The following PCDHA5 variants were observed in gnomAD, a reference collection of about 807,000 sequenced individuals.
The protein encoded by PCDHA5 is protocadherin alpha-5.
In PCDHA5, 43 loss-of-function variants were observed where a neutral mutation model predicts 61.6. The ratio of observed to expected loss-of-function variants is 0.70; its 90% CI spans 0.55 to 0.90. The LOEUF is 0.90. PCDHA5 is among the 40% of genes least tolerant of loss of function. The pLI, the probability that PCDHA5 is intolerant of heterozygous loss-of-function variation, is 0.00. For missense variants in PCDHA5, 1,298 were observed against 1,222.7 expected (o/e 1.06, Z -0.92); for synonymous variants, 627 against 543.9 (o/e 1.15, Z -2.13).
chr5:140,843,369 C>T lies in PCDHA5; in HGVS notation c.2352+19242C>T, dbSNP rs2150358449. 7 of 1,595,922 alleles carry T rather than the reference C, an allele frequency of 4.4e-6. No individual in the cohort carries two copies. Among genetic ancestry groups the T allele is most frequent in the African/African-American group, 1.3e-5 (1 of 74,440 alleles). ...GCTCCAAAAGCGTCATCGAGGCAGT[C>T]GGCTGGCGTTTTGGGTCCGGAAGCG... On this transcript the variant is annotated intron_variant, in intron 1 of 3. Transcript: ENST00000529859.
chr5:140,876,623 A>G (rs2056465121), intron 1 of PCDHA5: 1 of 1,614,086 alleles, frequency 6.2e-7, no homozygotes, highest in East Asian at 2.2e-5. Context: ...GCCAATGGAC[A>G]GGTCATCTGC....
At chr5:140,891,849 C>G (rs1446447359) in intron 1 of PCDHA5, among the ~76,000 whole-genome samples, 2 of 152,262 alleles carry the variant, frequency 1.3e-5, no homozygotes, top group African/African-American at 4.8e-5. Context: ...TGGAAGGAGC[C>G]TGTCCCTCTC....
intron 1 of PCDHA5, among the ~76,000 whole-genome samples, chr5:140,885,118 C>CT (rs782576516): frequency 6.6e-6 from 1 of 152,022 alleles, no homozygotes; most frequent in Non-Finnish European, 1.5e-5. Context: ...TTTAAGTGCA[C>CT]TTTTCTTTCT....
At chr5:140,872,266 T>C (rs1267974541) in intron 1 of PCDHA5, among the ~76,000 whole-genome samples, 2 of 152,208 alleles carry the variant, frequency 1.3e-5, no homozygotes, top group Non-Finnish European at 2.9e-5. Context: ...GTTTTCATAT[T>C]GTTTGAAGAA....
chr5:140,989,681 A>C (rs1428237884), intron 3 of PCDHA5, among the ~76,000 whole-genome samples: 1 of 152,250 alleles, frequency 6.6e-6, no homozygotes, highest in Non-Finnish European at 1.5e-5. Flanking sequence ...CAGATTTCAA[A>C]GGAACGTGAA....
chr5:140,859,119 T>C (rs1275680120), intron 1 of PCDHA5: 2 of 150,176 alleles, frequency 1.3e-5, no homozygotes, highest in African/African-American at 4.9e-5. Context: ...AAAATGTATG[T>C]TTCTTTTATT....
Position 140,857,279 on chromosome 5 carries a change from G to T in PCDHA5, c.2352+33152G>T, listed in dbSNP as rs782434219. ...TTACTACTCATTGGTGCTGGACAGC[G>T]CTCTGGACCGCGAGAGGGTGTCGGC... On this transcript the variant is annotated intron_variant, in intron 1 of 3. Transcript: ENST00000529859. 22 of 1,598,726 alleles carry T rather than the reference G, an allele frequency of 1.4e-5. No homozygotes were observed. The East Asian group carries it at 4.7e-4, about 34-fold the overall frequency.
At chr5:140,830,533 A>G in intron 1 of PCDHA5, 1 of 1,268,354 alleles carries the variant, frequency 7.9e-7, no homozygotes, top group South Asian at 2.0e-5. Flanking sequence ...TTAAATTTAT[A>G]ATTGTTTTCC....
intron 1 of PCDHA5, among the ~76,000 whole-genome samples, chr5:140,827,290 C>T (rs190258137): frequency 6.6e-6 from 1 of 152,284 alleles, no homozygotes; most frequent in African/African-American, 2.4e-5. Flanking sequence ...GAATCAAAAA[C>T]AGCAAAGCAC....
intron 1 of PCDHA5, chr5:140,843,060 T>C: frequency 1.3e-6 from 2 of 1,595,188 alleles, no homozygotes; most frequent in Non-Finnish European, 1.7e-6. Context: ...GCGAGCAAGC[T>C]GGTGCCGCGG....
At chr5:140,842,999 G>A (rs782032676) in intron 1 of PCDHA5, 1 of 1,594,954 alleles carries the variant, frequency 6.3e-7, no homozygotes, top group Admixed American at 1.7e-5. Context: ...GGACGAGAAT[G>A]ACAACGCGCC....
At chr5:140,883,756 G>A (rs1404911116) in intron 1 of PCDHA5, 7 of 1,612,950 alleles carry the variant, frequency 4.3e-6, no homozygotes, top group Non-Finnish European at 5.1e-6. Flanking sequence ...CGCTGGTGGA[G>A]CGGCGGGTGG....
intron 1 of PCDHA5, among the ~76,000 whole-genome samples, chr5:140,959,833 T>C (rs539062460): frequency 1.3e-5 from 2 of 152,366 alleles, no homozygotes; most frequent in East Asian, 3.9e-4. Context: ...TAATGTATTA[T>C]GCCTGTAACT....
intron 1 of PCDHA5, chr5:140,825,430 TATA>T (rs1335934373): frequency 1.4e-5 from 2 of 147,522 alleles, no homozygotes; most frequent in Admixed American, 1.4e-4. Context: ...ATATAATAAA[TATA>T]TAATAATAAT....
rs2150513475 is a variant in PCDHA5 at position 140,852,208 on chromosome 5, C to T, written c.2352+28081C>T. On this transcript the variant is annotated intron_variant, in intron 1 of 3. Transcript: ENST00000529859. ...AAATGCCAGTAACGTTTATTTAAAA[C>T]AAAATATTTTAATTTTTAAATTTTC... The T allele has an allele frequency of 5.2e-5, 34 of 657,540 alleles. 1 individual carries two copies. The African/African-American group carries it at 5.9e-4, about 11-fold the overall frequency. The allele number at this position is 657,540 out of a possible 1,614,324, so 40.7% of individuals were successfully genotyped here.
Position 140,856,821 on chromosome 5 carries a change from C to G in PCDHA5, c.2352+32694C>G, listed in dbSNP as rs1554149155. ...ATGTATGAAAATCAAGTGAACCAAA[C>G]ATTAGTAATACGGCTCAACGCTTCT... is the stretch of plus-strand genomic sequence containing the variant. On this transcript the variant is annotated intron_variant, in intron 1 of 3. Transcript: ENST00000529859. 2.5e-6 allele frequency: 4 copies of G among 1,592,396 alleles called. 1 individual carries two copies. The South Asian group carries it at 4.4e-5, about 18-fold the overall frequency.
intron 1 of PCDHA5, chr5:140,927,901 GC>G (rs1423958386): frequency 3.1e-6 from 5 of 1,614,084 alleles, no homozygotes; most frequent in Non-Finnish European, 4.2e-6. Context: ...GAACGATCAT[GC>G]CCCCGAACTG....
At chr5:140,947,530 CAATTTCTACAAAG>C (rs2094141786) in intron 1 of PCDHA5, among the ~76,000 whole-genome samples, 1 of 151,588 alleles carries the variant, frequency 6.6e-6, no homozygotes, top group African/African-American at 2.4e-5. Flanking sequence ...ATCAACTTTT[CAATTTCTACAAAG>C]AATTCCGCTG....
At chr5:140,849,200 C>G (rs2150432715) in intron 1 of PCDHA5, 2 of 1,040,964 alleles carry the variant, frequency 1.9e-6, no homozygotes, top group Non-Finnish European at 2.7e-6. Flanking sequence ...TACTGGACAA[C>G]AATGACAATG....
Sources: allele counts gnomAD v4.1 joint callset (sites outside exome capture counted in the v4.1 genomes callset), GRCh38; gene constraint gnomAD v4.1.1; transcripts MANE v1.5; gene names NCBI Gene and HGNC (gene_info 2026-07-23, HGNC 2026-07-21).